Variants in HK2 observed in about 807,000 individuals in gnomAD.
HK2 encodes the protein hexokinase-2.
HK2 carries 42 observed loss-of-function variants against 92.9 expected under a neutral mutation model. That is an observed-to-expected ratio of 0.45 (90% confidence interval 0.35 to 0.58). The LOEUF is 0.58. Ranked by LOEUF, HK2 falls within the 20% of genes least tolerant of loss-of-function variation. The pLI is 0.00. For synonymous variants in HK2, 422 were observed against 468.0 expected (o/e 0.90, Z 1.27); for missense variants, 978 against 1,245.1 (o/e 0.79, Z 3.23).
chr2:74,860,075 A>G (rs1688787410), intron 2 of HK2, among the ~76,000 whole-genome samples: 1 of 152,238 alleles, frequency 6.6e-6, no homozygotes, highest in South Asian at 2.1e-4. Context: ...AAAACAGACA[A>G]ATACCGCACG....
intron 7 of HK2, 84 bp from the exon 8 acceptor site, chr2:74,877,082 C>A: frequency 1.3e-6 from 2 of 1,553,998 alleles, no homozygotes; most frequent in Non-Finnish European, 8.8e-7. Flanking sequence ...TGAAGTTGCA[C>A]GTGTGCGCAT....
intron 1 of HK2, among the ~76,000 whole-genome samples, chr2:74,835,622 G>T (rs373529197): frequency 1.3e-5 from 2 of 152,322 alleles, no homozygotes; most frequent in African/African-American, 2.4e-5. Flanking sequence ...GATGGGGCCG[G>T]GGCCGGGGAC....
chr2:74,880,902 G>C (rs1417454723), intron 10 of HK2, among the ~76,000 whole-genome samples: 1 of 152,220 alleles, frequency 6.6e-6, no homozygotes, highest in Non-Finnish European at 1.5e-5. Flanking sequence ...GAGAAGTTAA[G>C]ACACCTGCCT....
intron 1 of HK2, among the ~76,000 whole-genome samples, chr2:74,850,068 G>A (rs1573360111): frequency 6.6e-6 from 1 of 152,202 alleles, no homozygotes; most frequent in Admixed American, 6.5e-5. Context: ...CTTAACCACC[G>A]ACTCTCAAAG....
At chr2:74,860,427 T>TC (rs1333918861) in intron 2 of HK2, among the ~76,000 whole-genome samples, 1 of 152,164 alleles carries the variant, frequency 6.6e-6, no homozygotes, top group African/African-American at 2.4e-5. Context: ...CTGTACCTGA[T>TC]CCCCCCAGAG....
chr2:74,880,492 G>A lies in HK2; in HGVS notation c.1493G>A (p.Gly498Asp). The A allele has an allele frequency of 6.2e-7, 1 of 1,614,212 alleles. No homozygotes were observed. The highest frequency in any genetic ancestry group is 8.5e-7 in the Non-Finnish European group (1 of 1,180,028). The change falls in exon 10 of 18, where the codon GGT (glycine) becomes GAT (aspartate). Residue 498 changes from glycine to aspartate, a missense_variant. By Grantham distance (94) the Gly-to-Asp change is moderately conservative. Around this residue, in one of 3 missense-constraint regions of HK2, gnomAD observed 742 missense variants for 922.5 expected, o/e 0.80. Coordinates refer to ENST00000290573, the MANE Select transcript of HK2 (RefSeq NM_000189.5). ...KRRMKVEMER[G>D]LSKETHASAP... ...AGGATGAAGGTAGAAATGGAGCGAG[G>A]TCTGAGCAAGGAGACTCATGCCAGT...
In HK2 at chr2:74,838,918, A is replaced by G. The variant is rs142023010; in HGVS notation, c.63+4275A>G. On this transcript the variant is annotated intron_variant, in intron 1 of 17. Transcript: ENST00000290573. Reference sequence around the variant, plus strand: ...TAAGAATGGAGAATCAGGGTTAACCATAGAGATAAAATGAAGTATATACTC... The same window carrying G: ...TAAGAATGGAGAATCAGGGTTAACCGTAGAGATAAAATGAAGTATATACTC... Among the ~76,000 whole-genome samples the G allele has an allele frequency of 3.4e-3, 521 of 152,318 alleles. 1 individual carries two copies. The highest frequency in any genetic ancestry group is 0.011 in the African/African-American group (473 of 41,578).
intron 2 of HK2, among the ~76,000 whole-genome samples, chr2:74,857,161 G>A (rs935714357): frequency 4.6e-5 from 7 of 152,122 alleles, no homozygotes; most frequent in African/African-American, 9.7e-5. Context: ...CCCTCCCTCC[G>A]CATTTGCAGG....
intron 1 of HK2, among the ~76,000 whole-genome samples, chr2:74,840,548 C>T (rs925437822): frequency 2.0e-5 from 3 of 151,812 alleles, no homozygotes; most frequent in Non-Finnish European, 4.4e-5. Context: ...CAACACTGTA[C>T]GTAGTCTGTC....
intron 1 of HK2, among the ~76,000 whole-genome samples, chr2:74,836,201 C>T (rs574207294): frequency 6.6e-5 from 10 of 152,226 alleles, no homozygotes; most frequent in African/African-American, 2.2e-4. Flanking sequence ...CACAGTGGAG[C>T]GTCATTAATC....
chr2:74,847,418 T>C (rs1357444095), intron 1 of HK2, among the ~76,000 whole-genome samples: 8 of 152,158 alleles, frequency 5.3e-5, no homozygotes, highest in African/African-American at 1.9e-4. Flanking sequence ...TGGCTCATGC[T>C]TGTAATCCCA....
intron 3 of HK2, among the ~76,000 whole-genome samples, chr2:74,869,068 C>G (rs991635270): frequency 6.6e-6 from 1 of 150,414 alleles, no homozygotes; most frequent in Non-Finnish European, 1.5e-5. Context: ...TAGAGGGTAT[C>G]AAGAAAACCT....
chr2:74,838,333 G>T (rs1247844587), intron 1 of HK2, among the ~76,000 whole-genome samples: 1 of 152,114 alleles, frequency 6.6e-6, no homozygotes, highest in Non-Finnish European at 1.5e-5. Context: ...GGCAGGGCCA[G>T]CTAGTCTTAG....
intron 5 of HK2, 113 bp from the exon 6 acceptor site, chr2:74,873,731 G>A (rs1689155141): frequency 1.4e-6 from 1 of 726,756 alleles, no homozygotes; most frequent in Non-Finnish European, 2.5e-6. Flanking sequence ...GGGGAGGGAG[G>A]GGGGAGAGAG....
At chr2:74,861,695 G>C (rs1218424714) in intron 2 of HK2, among the ~76,000 whole-genome samples, 1 of 152,156 alleles carries the variant, frequency 6.6e-6, no homozygotes, top group African/African-American at 2.4e-5. Flanking sequence ...CTGAACCAAA[G>C]TTTCTAGGGA....
At chr2:74,846,596 T>G (rs962411403) in intron 1 of HK2, among the ~76,000 whole-genome samples, 2 of 152,242 alleles carry the variant, frequency 1.3e-5, no homozygotes, top group African/African-American at 4.8e-5. Context: ...ATCTATGTGG[T>G]TGCATGTAGT....
chr2:74,887,875 A>G, intron 15 of HK2, 28 bp from the exon 16 acceptor site: 1 of 1,611,540 alleles, frequency 6.2e-7, no homozygotes, highest in Non-Finnish European at 8.5e-7. Flanking sequence ...TTCCTACTTA[A>G]CCTCCATGAA....
intron 2 of HK2, among the ~76,000 whole-genome samples, chr2:74,865,793 C>T (rs903850228): frequency 6.6e-5 from 10 of 152,062 alleles, no homozygotes; most frequent in Admixed American, 2.6e-4. Context: ...CTTCTGCTTT[C>T]GTTGGCCTGG....
In HK2 at chr2:74,870,554, CTT is replaced by C. The variant is rs60629948; in HGVS notation, c.376-1726_376-1725del. 8.4e-3 allele frequency among the ~76,000 whole-genome samples: 1,039 copies of C among 123,126 alleles called. 16 individuals carry two copies. Among genetic ancestry groups the C allele is most frequent in the African/African-American group, 0.026 (865 of 33,180 alleles). The allele number at this position is 123,126 out of a possible 152,430, so 80.8% of individuals were successfully genotyped here. On this transcript the variant is annotated intron_variant, in intron 3 of 17. Transcript: ENST00000290573. Reference sequence around the variant, plus strand: ...CTCTTTGCACAACTTCTGCATCTCCCTTTTTTTTTTTTTTTTTTTTTGGGATA... The same window carrying C: ...CTCTTTGCACAACTTCTGCATCTCCCTTTTTTTTTTTTTTTTTTTGGGATA...
Sources: allele counts gnomAD v4.1 joint callset (sites outside exome capture counted in the v4.1 genomes callset), GRCh38; gene constraint gnomAD v4.1.1; regional missense constraint gnomAD v4.1.1; transcripts MANE v1.5; gene names NCBI Gene and HGNC (gene_info 2026-07-23, HGNC 2026-07-21).